Variants in LOX observed in about 807,000 individuals in gnomAD.
The protein encoded by LOX is protein-lysine 6-oxidase.
In LOX, 12 loss-of-function variants were observed where a neutral mutation model predicts 50.5. The observed-to-expected ratio is 0.24, with a 90% CI of 0.15 to 0.38. The LOEUF is 0.38. Ranked by LOEUF, LOX falls within the 10% of genes least tolerant of loss-of-function variation. The pLI is 1.00. For missense variants in LOX, 504 were observed against 563.8 expected (o/e 0.89, Z 1.07); for synonymous variants, 254 against 230.6 (o/e 1.10, Z -0.92).
At position 122,077,967 on chromosome 5, in the gene LOX, C is replaced by G; in HGVS notation, c.19G>C (p.Val7Leu). Residue 7 changes from valine to leucine, a missense_variant, in exon 1 of 7, where the codon GTG (valine) becomes CTG (leucine). Physicochemically the swap from Val to Leu is conservative, Grantham distance 32. This residue lies in a region of LOX where 398 missense variants were observed against 365.8 expected (regional missense o/e 1.09). Coordinates refer to ENST00000231004, the MANE Select transcript of LOX (RefSeq NM_002317.7). The surrounding 1 kb of genome is among the most constrained non-coding windows in gnomAD (Gnocchi z 4.9). Reference protein sequence around the residue: MRFAWTVLLLGPLQLCA... With the variant: MRFAWTLLLLGPLQLCA... The stretch of plus-strand genomic sequence containing the variant: ...AGCTGCAAAGGCCCGAGCAGGAGCA[C>G]GGTCCAGGCGAAGCGCATCACTCCT... 1 of 1,464,310 alleles carries G rather than the reference C, an allele frequency of 6.8e-7. No individual in the cohort carries two copies. The highest frequency in any genetic ancestry group is 1.5e-5 in the South Asian group (1 of 66,170). The allele number at this position is 1,464,310 out of a possible 1,614,324, so 90.7% of individuals were successfully genotyped here.
chr5:122,076,780 T>C, intron 2 of LOX, 113 bp downstream of exon 2: 1 of 851,082 alleles, frequency 1.2e-6, no homozygotes, highest in Non-Finnish European at 1.9e-6. Context: ...TTCCCAGCTC[T>C]TGTCCCACTT....
Position 122,077,621 on chromosome 5 carries a change from C to A in LOX, c.365G>T (p.Arg122Leu). Residue 122 changes from arginine to leucine, a missense_variant, in exon 1 of 7, where the codon CGT becomes CTT. Arg to Leu is a moderately radical substitution (Grantham distance 102). This residue lies in a region of LOX where 398 missense variants were observed against 365.8 expected (regional missense o/e 1.09). Coordinates refer to ENST00000231004, the MANE Select transcript of LOX (RefSeq NM_002317.7). The surrounding 1 kb of genome is among the most constrained non-coding windows in gnomAD (Gnocchi z 4.9). ...CGAGTAGCCAGCTTGGAACCAGTGACGGGCGGTGGGCCTGGGGCGGCCAGC... is the reference window on the plus strand; with the variant it reads ...CGAGTAGCCAGCTTGGAACCAGTGAAGGGCGGTGGGCCTGGGGCGGCCAGC... Reference protein sequence around the residue: ...VTAGRPRPTARHWFQAGYSTS... With the variant: ...VTAGRPRPTALHWFQAGYSTS... The A allele has an allele frequency of 6.2e-7, 1 of 1,611,786 alleles. No homozygotes were observed.
intron 6 of LOX, among the ~76,000 whole-genome samples, chr5:122,069,670 T>C (rs1336443738): frequency 2.6e-5 from 4 of 152,096 alleles, no homozygotes. Flanking sequence ...AAATGTACTT[T>C]GAAGAACCCT....
chr5:122,070,186 T>C lies in LOX; in HGVS notation c.1132-18A>G, dbSNP rs1373437273. 7.5e-7 allele frequency: 1 copy of C among 1,330,102 alleles called. No homozygotes were observed. The highest frequency in any genetic ancestry group is 1.1e-6 in the Non-Finnish European group (1 of 921,848). The allele number at this position is 1,330,102 out of a possible 1,614,324, so 82.4% of individuals were successfully genotyped here. A position where few individuals can be genotyped will look rare whatever the true frequency, so the allele number is the denominator to read the frequency against. ...ACACTGACCTGGGCAACACAAAGAG[T>C]TCCTCAGTATTTCTTTTTCCATAGG... On this transcript the variant is annotated intron_variant, in intron 5 of 6. Transcript: ENST00000231004.
chr5:122,076,007 A>G (rs1754617545), intron 2 of LOX: 1 of 152,330 alleles, frequency 6.6e-6, no homozygotes, highest in African/African-American at 2.4e-5. Flanking sequence ...AATAACTCTA[A>G]AAGAGCATAC....
chr5:122,067,536 G>A (rs1389415982), intron 6 of LOX, among the ~76,000 whole-genome samples: 4 of 152,066 alleles, frequency 2.6e-5, no homozygotes, highest in Non-Finnish European at 5.9e-5. Context: ...CACACTCACT[G>A]CTGCTTACAC....
intron 4 of LOX, chr5:122,070,847 C>A: frequency 3.8e-6 from 1 of 264,336 alleles, no homozygotes; most frequent in Non-Finnish European, 7.0e-6. Flanking sequence ...GAGATAAATG[C>A]AATCTGAAGG....
Position 122,078,092 on chromosome 5 carries a change from G to A in LOX, c.-107C>T, listed in dbSNP as rs1754696704. ...AGGAGAAATCTTCAACCAAGGAGGCGAGCGGAGCACGGGTATCTCAGTCTC... is the reference window on the plus strand; with the variant it reads ...AGGAGAAATCTTCAACCAAGGAGGCAAGCGGAGCACGGGTATCTCAGTCTC... On this transcript the variant is annotated 5_prime_UTR_variant, in exon 1 of 7. Coordinates refer to ENST00000231004, the MANE Select transcript of LOX (RefSeq NM_002317.7). 1 of 1,094,432 alleles carries A rather than the reference G, an allele frequency of 9.1e-7. No individual in the cohort carries two copies. The allele number at this position is 1,094,432 out of a possible 1,614,324, so 67.8% of individuals were successfully genotyped here. A position where few individuals can be genotyped will look rare whatever the true frequency, so the allele number is the denominator to read the frequency against.
In LOX at chr5:122,077,279, C is replaced by A; in HGVS notation, c.631+76G>T. 6.3e-7 allele frequency: 1 copy of A among 1,591,558 alleles called. No homozygotes were observed. Among genetic ancestry groups the A allele is most frequent in the Non-Finnish European group, 8.5e-7 (1 of 1,169,618 alleles). ...TGCGAGGACCGGGGCCCGCCGCGCC[C>A]AGGCAGCCACGTCGAGAAGCCACAT... On this transcript the variant is annotated intron_variant, in intron 1 of 6. Transcript: ENST00000231004. The surrounding 1 kb of genome is among the most constrained non-coding windows in gnomAD (Gnocchi z 4.9).
At chr5:122,074,302 A>C (rs990406079) in intron 3 of LOX, 133 bp from the exon 4 acceptor site, 2 of 700,972 alleles carry the variant, frequency 2.9e-6, no homozygotes, top group African/African-American at 1.8e-5. Flanking sequence ...ATCTTCTAAA[A>C]GAGAGATTCA....
At chr5:122,068,291 G>C (rs1290293695) in intron 6 of LOX, among the ~76,000 whole-genome samples, 1 of 151,280 alleles carries the variant, frequency 6.6e-6, no homozygotes, top group African/African-American at 2.4e-5. Context: ...TAAATATCTA[G>C]CAATACCCAA....
chr5:122,067,429 A>T (rs922019567), intron 6 of LOX, among the ~76,000 whole-genome samples: 1 of 152,102 alleles, frequency 6.6e-6, no homozygotes, highest in East Asian at 1.9e-4. Flanking sequence ...TACCTATTCA[A>T]CTATTTACTG....
intron 6 of LOX, among the ~76,000 whole-genome samples, chr5:122,069,189 T>C (rs542336215): frequency 1.1e-4 from 16 of 152,276 alleles, no homozygotes; most frequent in African/African-American, 3.9e-4. Flanking sequence ...TATGAGATTC[T>C]AGTATAGCTC....
Position 122,066,478 on chromosome 5 carries a change from C to A in LOX, c.*265G>T. ...GAAATTTGGATTTCTTTGAAAGAGT[C>A]AAATATGTAATTACAGAATTGAAAC... On this transcript the variant is annotated 3_prime_UTR_variant, in exon 7 of 7. Transcript: ENST00000231004. 2.7e-6 allele frequency: 1 copy of A among 374,648 alleles called. No homozygotes were observed. Among genetic ancestry groups the A allele is most frequent in the Non-Finnish European group, 4.8e-6 (1 of 207,456 alleles). The allele number at this position is 374,648 out of a possible 1,614,324, so 23.2% of individuals were successfully genotyped here.
chr5:122,072,794 G>A (rs140828694), intron 4 of LOX, among the ~76,000 whole-genome samples: 12 of 152,190 alleles, frequency 7.9e-5, no homozygotes, highest in African/African-American at 2.9e-4. Context: ...CCCAAAGAAG[G>A]GGGGGAACCA....
chr5:122,077,669 G>T lies in LOX; in HGVS notation c.317C>A (p.Thr106Lys). The change falls in exon 1 of 7, where the codon ACG becomes AAG. Residue 106 changes from threonine (T) to lysine (K), a missense_variant. Thr to Lys is a moderately conservative substitution (Grantham distance 78). Coordinates refer to ENST00000231004, the MANE Select transcript of LOX (RefSeq NM_002317.7). The surrounding 1 kb of genome is among the most constrained non-coding windows in gnomAD (Gnocchi z 4.9). ...AGCGGTGACTCCAGATGAGCCGGCC[G>T]TCCGCGTTCGCGCCGCGGCGGTGCG... ...DNRTAAARTR[T>K]AGSSGVTAGR... 1 of 1,604,420 alleles carries T rather than the reference G, an allele frequency of 6.2e-7. No homozygotes were observed.
At position 122,070,582 on chromosome 5, in the gene LOX, C is replaced by T. The variant is rs754162352; in HGVS notation, c.1043G>A (p.Ser348Asn). The T allele has an allele frequency of 6.3e-7, 1 of 1,576,170 alleles. No homozygotes were observed. The highest frequency in any genetic ancestry group is 1.1e-5 in the South Asian group (1 of 88,444). ...FACTAHTQGL[S>N]PGCYDTYGAD... Reference sequence around the variant, plus strand: ...ACCATAGGTATCATAACAGCCAGGACTCAATCCCTAAGATAAACAAAATAA... The same window carrying T: ...ACCATAGGTATCATAACAGCCAGGATTCAATCCCTAAGATAAACAAAATAA... Residue 348 changes from serine (S) to asparagine (N), a missense_variant, in exon 5 of 7, where the codon AGT becomes AAT. Ser to Asn is a conservative substitution (Grantham distance 46). Around this residue, in one of 2 missense-constraint regions of LOX, gnomAD observed 106 missense variants for 198.1 expected, o/e 0.54. Transcript: ENST00000231004.
chr5:122,069,730 G>A (rs1331614455), intron 6 of LOX, among the ~76,000 whole-genome samples: 1 of 151,896 alleles, frequency 6.6e-6, no homozygotes, highest in Non-Finnish European at 1.5e-5. Context: ...CAACTACTGG[G>A]GCTTCTACAA....
intron 3 of LOX, among the ~76,000 whole-genome samples, chr5:122,074,425 T>G (rs575899753): frequency 4.6e-5 from 7 of 152,206 alleles, no homozygotes; most frequent in Non-Finnish European, 8.8e-5. Context: ...GTACCCCATT[T>G]TGTCTTTGAA....
Sources: allele counts gnomAD v4.1 joint callset (sites outside exome capture counted in the v4.1 genomes callset), GRCh38; gene constraint gnomAD v4.1.1; regional missense constraint gnomAD v4.1.1; non-coding constraint Gnocchi (gnomAD v3.1); transcripts MANE v1.5; gene names NCBI Gene and HGNC (gene_info 2026-07-23, HGNC 2026-07-21).